The following PLPBP variants were observed in gnomAD, a reference collection of about 807,000 sequenced individuals.
The protein encoded by PLPBP is pyridoxal phosphate homeostasis protein.
A neutral mutation model predicts 31.2 loss-of-function variants in PLPBP; 21 were observed. The observed-to-expected ratio is 0.67, with a 90% CI of 0.48 to 0.97. PLPBP has a LOEUF of 0.97. Among genes scored for constraint, PLPBP ranks in the 50% least tolerant of loss-of-function variants. The pLI is 0.00. For missense variants in PLPBP, 308 were observed against 354.4 expected, an observed-to-expected ratio of 0.87 and a Z score of 1.05; for synonymous variants, 124 against 135.6, an observed-to-expected ratio of 0.91 and a Z score of 0.59.
At chr8:37,768,452 C>G (rs191938925) in intron 4 of PLPBP, among the ~76,000 whole-genome samples, 18 of 143,296 alleles carry the variant, frequency 1.3e-4, no homozygotes, top group African/African-American at 4.1e-4. Context: ...TATCTCCTTA[C>G]AGTTTTGATT....
rs903127278 is a variant in PLPBP, at chr8:37,765,625, G to A, written c.199G>A (p.Glu67Lys). The change falls in exon 2 of 8, where the codon GAG becomes AAG. Residue 67 changes from glutamate (E) to lysine (K), a missense_variant. Physicochemically the swap from Glu to Lys is moderately conservative, Grantham distance 56. Coordinates refer to ENST00000328195, the MANE Select transcript of PLPBP (RefSeq NM_007198.4). ...AYGHGQRTFGENYVQELLEKA... is the reference protein window; with the variant it reads ...AYGHGQRTFGKNYVQELLEKA... ...TGGACATGGGCAGCGCACTTTTGGCGAGAACTACGTAAGAGCCCTTTCCTG... is the reference window on the plus strand; with the variant it reads ...TGGACATGGGCAGCGCACTTTTGGCAAGAACTACGTAAGAGCCCTTTCCTG... 6.8e-6 allele frequency: 11 copies of A among 1,614,086 alleles called. No homozygotes were observed. Among genetic ancestry groups the A allele is most frequent in the African/African-American group, 2.7e-5 (2 of 74,934 alleles).
chr8:37,772,411 T>A (rs1051411208), intron 4 of PLPBP, among the ~76,000 whole-genome samples: 1 of 152,242 alleles, frequency 6.6e-6, no homozygotes, highest in Non-Finnish European at 1.5e-5. Flanking sequence ...CTTTCTTCAT[T>A]GTCATCCTGA....
chr8:37,767,686 T>G (rs750404335), intron 4 of PLPBP, among the ~76,000 whole-genome samples: 1 of 152,188 alleles, frequency 6.6e-6, no homozygotes. Context: ...TCCCTTTTTC[T>G]TGGAATAAAT....
chr8:37,778,278 A>C lies in PLPBP; in HGVS notation c.*174A>C. On this transcript the variant is annotated 3_prime_UTR_variant, in exon 8 of 8. Transcript: ENST00000328195. ...TGACATAGGAAGCTTGCTTCAGGCA[A>C]TGGCTTTGGATTGAGTTTGAGAAAT... The C allele has an allele frequency of 6.2e-6, 4 of 648,540 alleles. No individual in the cohort carries two copies. The highest frequency in any genetic ancestry group is 4.9e-4 in the Middle Eastern group (1 of 2,034). The allele number at this position is 648,540 out of a possible 1,614,324, so 40.2% of individuals were successfully genotyped here.
intron 5 of PLPBP, among the ~76,000 whole-genome samples, chr8:37,773,133 G>C (rs1803818455): frequency 6.6e-6 from 1 of 151,954 alleles, no homozygotes; most frequent in Admixed American, 6.6e-5. Context: ...AAGAATGGAT[G>C]GGGAGTTCAA....
At chr8:37,765,451 C>A in intron 1 of PLPBP, 75 bp from the exon 2 acceptor site, 1 of 1,373,404 alleles carries the variant, frequency 7.3e-7, no homozygotes, top group Non-Finnish European at 1.0e-6. Context: ...GTCTATCCTA[C>A]AGGATCTATC....
intron 4 of PLPBP, among the ~76,000 whole-genome samples, chr8:37,770,368 TA>T (rs2129791647): frequency 6.6e-6 from 1 of 152,268 alleles, no homozygotes; most frequent in East Asian, 1.9e-4. Flanking sequence ...GCCAAGAACA[TA>T]CATTGGGAAA....
chr8:37,776,061 AG>A, intron 7 of PLPBP, 45 bp downstream of exon 7: 1 of 1,543,838 alleles, frequency 6.5e-7, no homozygotes, highest in Non-Finnish European at 8.9e-7. Flanking sequence ...GGGTGGGGGT[AG>A]GGGGTCTGAG....
intron 1 of PLPBP, 54 bp from the exon 2 acceptor site, chr8:37,765,472 C>A: frequency 6.7e-7 from 1 of 1,501,610 alleles, no homozygotes; most frequent in Non-Finnish European, 9.3e-7. Context: ...CTATGGGATT[C>A]ATTGGGGTAC....
intron 5 of PLPBP, 48 bp from the exon 6 acceptor site, chr8:37,775,291 G>GTGAGT: frequency 6.2e-7 from 1 of 1,608,010 alleles, no homozygotes; most frequent in Non-Finnish European, 8.5e-7. Flanking sequence ...GCCTTCCTCT[G>GTGAGT]GCCATTTACC....
chr8:37,779,762 T>C lies in PLPBP; in HGVS notation c.*1658T>C, dbSNP rs983670198. ...TACAAAGCAATTAAAAGATTTATTT[T>C]TTATGATCTGGTGTAGTGACTGAAT... On this transcript the variant is annotated 3_prime_UTR_variant, in exon 8 of 8. Transcript: ENST00000328195. The C allele has an allele frequency of 6.6e-6, 1 of 152,616 alleles. No individual in the cohort carries two copies. 9.5% of individuals were successfully genotyped at this position (152,616 alleles called of 1,614,324 possible). A position where few individuals can be genotyped will look rare whatever the true frequency, so the allele number is the denominator to read the frequency against.
chr8:37,765,690 T>G, intron 2 of PLPBP, 21 bp from the exon 3 acceptor site: 1 of 1,614,252 alleles, frequency 6.2e-7, no homozygotes, highest in Non-Finnish European at 8.5e-7. Context: ...GCTTCTGACT[T>G]GTTCTGTTTT....
At position 37,772,711 on chromosome 8, in the gene PLPBP, A is replaced by G. The variant is rs545102575; in HGVS notation, c.320-44A>G. ...GATTTGTTGCATGTTACTTGCTGCA[A>G]TAGAGCAAATAAGGAATACTACTTT... On this transcript the variant is annotated intron_variant, in intron 4 of 7. Coordinates refer to ENST00000328195, the MANE Select transcript of PLPBP (RefSeq NM_007198.4). 9.3e-6 allele frequency: 15 copies of G among 1,606,408 alleles called. No individual in the cohort carries two copies. The East Asian group carries it at 2.5e-4, about 26-fold the overall frequency.
At chr8:37,769,060 C>G (rs1330470878) in intron 4 of PLPBP, among the ~76,000 whole-genome samples, 1 of 152,094 alleles carries the variant, frequency 6.6e-6, no homozygotes, top group African/African-American at 2.4e-5. Flanking sequence ...CTAGGCCAGG[C>G]ACAGTGGCTC....
At chr8:37,764,908 T>G (rs1361518669) in intron 1 of PLPBP, among the ~76,000 whole-genome samples, 2 of 152,178 alleles carry the variant, frequency 1.3e-5, no homozygotes, top group Non-Finnish European at 2.9e-5. Flanking sequence ...CAGTGGCTCA[T>G]GCCTGTAATC....
chr8:37,767,930 C>T (rs1405568784), intron 4 of PLPBP, among the ~76,000 whole-genome samples: 2 of 149,708 alleles, frequency 1.3e-5, no homozygotes, highest in Middle Eastern at 3.4e-3. Flanking sequence ...CTCAGCCTTC[C>T]GAGTAGCTAG....
At chr8:37,765,768 T>C in intron 3 of PLPBP, 22 bp downstream of exon 3, 1 of 1,604,338 alleles carries the variant, frequency 6.2e-7, no homozygotes, top group East Asian at 2.2e-5. Context: ...GCTGAATTCT[T>C]TAATTTGTAT....
chr8:37,770,627 G>A (rs1362939726), intron 4 of PLPBP, among the ~76,000 whole-genome samples: 2 of 152,226 alleles, frequency 1.3e-5, no homozygotes, highest in African/African-American at 4.8e-5. Context: ...ACCCAGACTG[G>A]AATGCAGTGG....
chr8:37,777,258 T>C (rs1000363244), intron 7 of PLPBP, among the ~76,000 whole-genome samples: 2 of 152,210 alleles, frequency 1.3e-5, no homozygotes, highest in Non-Finnish European at 2.9e-5. Flanking sequence ...CTTAAAACAG[T>C]GCAAAAATAC....
Sources: allele counts gnomAD v4.1 joint callset (sites outside exome capture counted in the v4.1 genomes callset), GRCh38; gene constraint gnomAD v4.1.1; transcripts MANE v1.5; gene names NCBI Gene and HGNC (gene_info 2026-07-23, HGNC 2026-07-21).